Variants in ECPAS observed in about 807,000 individuals in gnomAD.
ECPAS encodes the protein proteasome adapter and scaffold protein ECM29.
In ECPAS, 70 loss-of-function variants were observed where a neutral mutation model predicts 255.1. The observed-to-expected ratio is 0.27, with a 90% confidence interval of 0.23 to 0.33. The LOEUF (loss-of-function observed/expected upper bound fraction) is 0.33, where lower values mean the gene tolerates loss of function less well. Ranked by LOEUF, ECPAS falls within the 10% of genes least tolerant of loss-of-function variation. The pLI, the probability that ECPAS is intolerant of heterozygous loss-of-function variation, is 1.00. For synonymous variants in ECPAS, 784 were observed against 775.0 expected (o/e 1.01, Z -0.19); for missense variants, 1,817 against 2,206.4 (o/e 0.82, Z 3.54).
chr9:111,421,234 CA>C (rs2098213177), intron 15 of ECPAS, among the ~76,000 whole-genome samples: 1 of 152,118 alleles, frequency 6.6e-6, no homozygotes, highest in African/African-American at 2.4e-5. Flanking sequence ...CCTTTCTGAA[CA>C]TTTAAAATTC....
At chr9:111,466,431 C>T (rs909458738) in intron 2 of ECPAS, among the ~76,000 whole-genome samples, 3 of 151,756 alleles carry the variant, frequency 2.0e-5, no homozygotes, top group Admixed American at 2.0e-4. Context: ...GGCGACAGAG[C>T]GAGACTCCGT....
intron 12 of ECPAS, among the ~76,000 whole-genome samples, chr9:111,424,936 G>A (rs1448306746): frequency 5.3e-5 from 8 of 152,150 alleles, no homozygotes; most frequent in Non-Finnish European, 7.4e-5. Flanking sequence ...TAGGGAGGCC[G>A]AGGCAGGCGG....
intron 24 of ECPAS, among the ~76,000 whole-genome samples, chr9:111,407,428 A>AAAAAAAAAAAC (rs2098186510): frequency 5.1e-5 from 5 of 98,822 alleles, no homozygotes; most frequent in Non-Finnish European, 7.7e-5. Context: ...AAAAAAAAAA[A>AAAAAAAAAAAC]AAAAAAAAAA....
chr9:111,414,844 A>T (rs997003839), intron 18 of ECPAS, among the ~76,000 whole-genome samples, 193 bp from the exon 19 acceptor site: 5 of 152,212 alleles, frequency 3.3e-5, no homozygotes, highest in African/African-American at 1.2e-4. Context: ...AATCCAAAGA[A>T]TTTTTTAAGA....
chr9:111,450,103 A>C (rs1367295917), intron 3 of ECPAS, among the ~76,000 whole-genome samples: 1 of 152,112 alleles, frequency 6.6e-6, no homozygotes, highest in Admixed American at 6.5e-5. Context: ...ACTGTTTTAT[A>C]CTGATTTCCC....
intron 48 of ECPAS, 71 bp downstream of exon 48, chr9:111,366,168 A>C (rs2098120119): frequency 1.0e-6 from 1 of 1,002,938 alleles, no homozygotes; most frequent in Non-Finnish European, 1.5e-6. Context: ...ACAAAGTAGG[A>C]AATATTTGAA....
In ECPAS at chr9:111,467,282, TCCTTTCAGGA is replaced by T. The variant is rs377281745; in HGVS notation, c.22+5605_22+5614del. On this transcript the variant is annotated intron_variant, in intron 2 of 49. Transcript: ENST00000684092. ...AGAGAGAAGAGAAGAGAAATCAGTT[TCCTTTCAGGA>T]CAACCTGAACATCAAAATAGTCCTT... Among the ~76,000 whole-genome samples, 958 of 152,284 alleles carry T rather than the reference TCCTTTCAGGA, an allele frequency of 6.3e-3. 7 individuals carry two copies. The highest frequency in any genetic ancestry group is 0.022 in the African/African-American group (923 of 41,564).
chr9:111,430,245 T>C (rs139090919), intron 9 of ECPAS, among the ~76,000 whole-genome samples: 47 of 152,230 alleles, frequency 3.1e-4, no homozygotes, highest in African/African-American at 1.1e-3. Flanking sequence ...GTTACAAGAG[T>C]TCAGCAGCTG....
intron 8 of ECPAS, among the ~76,000 whole-genome samples, chr9:111,431,318 G>A (rs1321252204): frequency 1.3e-5 from 2 of 152,186 alleles, no homozygotes; most frequent in Admixed American, 6.5e-5. Flanking sequence ...AGCACTTTGG[G>A]AGGCCGAGGC....
chr9:111,463,342 G>C (rs1002020219), intron 2 of ECPAS, among the ~76,000 whole-genome samples: 1 of 152,148 alleles, frequency 6.6e-6, no homozygotes. Flanking sequence ...GCCCAAAAGA[G>C]AGAACTAGAA....
chr9:111,427,809 T>C (rs574699265), intron 10 of ECPAS, among the ~76,000 whole-genome samples: 29 of 152,366 alleles, frequency 1.9e-4, no homozygotes, highest in Non-Finnish European at 4.0e-4. Context: ...TTTTGGACTT[T>C]GGAGCATTTA....
chr9:111,425,579 G>C, intron 11 of ECPAS, 83 bp from the exon 12 acceptor site: 4 of 1,106,924 alleles, frequency 3.6e-6, no homozygotes, highest in Non-Finnish European at 5.1e-6. Context: ...AAAATAATGA[G>C]AGACATAACC....
At position 111,394,268 on chromosome 9, in the gene ECPAS, A is replaced by G. The variant is rs775792550; in HGVS notation, c.2814T>C (p.Asp938=). The G allele has an allele frequency of 2.5e-6, 4 of 1,599,156 alleles. No individual in the cohort carries two copies. The South Asian group carries it at 3.4e-5, about 14-fold the overall frequency. ...TGATGATATGTTTATTTAAAATCAC[A>G]TCCAACACCCATGGAACCACATCAT... The part of the protein sequence containing the change: ...KVNDVVPWVL[D]VILNKHIISP... The change falls in exon 26 of 50, where the codon GAT becomes GAC. Residue 938 remains aspartate (D), a synonymous_variant. Coordinates refer to ENST00000684092, the MANE Select transcript of ECPAS (RefSeq NM_001364929.1).
intron 2 of ECPAS, among the ~76,000 whole-genome samples, chr9:111,468,379 C>T (rs367931855): frequency 1.3e-4 from 20 of 152,280 alleles, no homozygotes; most frequent in African/African-American, 4.8e-4. Flanking sequence ...AATGCTCCTT[C>T]TAGCACACTA....
chr9:111,436,130 T>C (rs2098237876), intron 7 of ECPAS, among the ~76,000 whole-genome samples: 1 of 152,080 alleles, frequency 6.6e-6, no homozygotes, highest in Non-Finnish European at 1.5e-5. Flanking sequence ...ATGGCAAGAA[T>C]GCCCCACTTG....
Position 111,406,473 on chromosome 9 carries a change from T to C in ECPAS, c.2652+2098A>G, listed in dbSNP as rs958903080. Among the ~76,000 whole-genome samples, 8 of 149,948 alleles carry C rather than the reference T, an allele frequency of 5.3e-5. 2 individuals carry two copies. The highest frequency in any genetic ancestry group is 2.0e-4 in the African/African-American group (8 of 39,588). ...AGGGCAACAATAGTTAATAAGAATTTATTGTATATTTCAAAATAGCAAGAA... is the reference window on the plus strand; with the variant it reads ...AGGGCAACAATAGTTAATAAGAATTCATTGTATATTTCAAAATAGCAAGAA... On this transcript the variant is annotated intron_variant, in intron 24 of 49. Coordinates refer to ENST00000684092, the MANE Select transcript of ECPAS (RefSeq NM_001364929.1).
intron 30 of ECPAS, 104 bp downstream of exon 30, chr9:111,389,880 A>C: frequency 8.9e-7 from 1 of 1,123,250 alleles, no homozygotes; most frequent in Non-Finnish European, 1.3e-6. Flanking sequence ...CATCAGGCAC[A>C]GACTTTCACA....
chr9:111,402,131 A>G (rs2098177030), intron 24 of ECPAS, among the ~76,000 whole-genome samples: 1 of 152,250 alleles, frequency 6.6e-6, no homozygotes, highest in South Asian at 2.1e-4. Flanking sequence ...TGCAGTAAAG[A>G]CAGGCATAAG....
At chr9:111,421,853 A>C (rs2098214451) in intron 15 of ECPAS, 68 bp downstream of exon 15, 4 of 1,549,518 alleles carry the variant, frequency 2.6e-6, no homozygotes, top group Non-Finnish European at 3.5e-6. Context: ...GTTAAGTAGC[A>C]ATTCAAATTT....
Sources: allele counts gnomAD v4.1 joint callset (sites outside exome capture counted in the v4.1 genomes callset), GRCh38; gene constraint gnomAD v4.1.1; transcripts MANE v1.5; gene names NCBI Gene and HGNC (gene_info 2026-07-23, HGNC 2026-07-21).